Variants in TTC29 observed in about 807,000 individuals in gnomAD.
The protein encoded by TTC29 is tetratricopeptide repeat domain 29.
Under a neutral mutation model 58.1 loss-of-function variants are expected in TTC29, and 49 were observed. The observed-to-expected ratio is 0.84, with a 90% CI of 0.67 to 1.07. The LOEUF is 1.07. Among genes scored for constraint, TTC29 ranks in the 50% least tolerant of loss-of-function variants. TTC29 has a pLI of 0.00. For missense variants in TTC29, 582 were observed against 555.6 expected (o/e 1.05, Z -0.48); for synonymous variants, 209 against 196.8 (o/e 1.06, Z -0.52).
intron 7 of TTC29, among the ~76,000 whole-genome samples, chr4:146,871,897 G>C (rs912420056): frequency 1.3e-5 from 2 of 151,928 alleles, no homozygotes; most frequent in Non-Finnish European, 2.9e-5. Context: ...AAATTAACAA[G>C]CTGATCCTAA....
At chr4:146,874,669 G>A (rs1267722631) in intron 7 of TTC29, 47 bp downstream of exon 7, 7 of 1,415,116 alleles carry the variant, frequency 4.9e-6, no homozygotes, top group African/African-American at 1.4e-5. Context: ...GAGAAACAGT[G>A]TCTACCCATT....
At chr4:146,905,817 G>C (rs1346597959) in intron 5 of TTC29, among the ~76,000 whole-genome samples, 1 of 152,136 alleles carries the variant, frequency 6.6e-6, no homozygotes. Flanking sequence ...GCTCTGATTA[G>C]TCCTGCAATA....
Position 146,874,707 on chromosome 4 carries a change from T to C in TTC29, c.799+9A>G, listed in dbSNP as rs1356844757. ...AGAAAGCAATGTGAGAGAGTTCTTT[T>C]CCACCCACCTTCTTTGGCTATTTCA... On this transcript the variant is annotated intron_variant, in intron 7 of 12. Transcript: ENST00000325106. The C allele has an allele frequency of 1.3e-6, 2 of 1,589,946 alleles. No individual in the cohort carries two copies. Among genetic ancestry groups the C allele is most frequent in the Non-Finnish European group, 1.7e-6 (2 of 1,166,972 alleles).
intron 10 of TTC29, among the ~76,000 whole-genome samples, chr4:146,819,658 C>G (rs1199273211): frequency 6.6e-6 from 1 of 152,152 alleles, no homozygotes; most frequent in African/African-American, 2.4e-5. Flanking sequence ...AAAATCCACT[C>G]TAAATTTTCT....
At chr4:146,763,773 T>C (rs1424038796) in intron 11 of TTC29, 1 of 152,110 alleles carries the variant, frequency 6.6e-6, no homozygotes, top group Non-Finnish European at 1.5e-5. Flanking sequence ...GTTCTGAAAG[T>C]GGAAGTCATA....
At chr4:146,855,394 C>G (rs569314248) in intron 8 of TTC29, among the ~76,000 whole-genome samples, 187 of 146,496 alleles carry the variant, frequency 1.3e-3, no homozygotes, top group African/African-American at 4.6e-3. Context: ...GATTTCGCCA[C>G]TGCACTCCAG....
At chr4:146,800,303 G>C (rs763596153) in intron 11 of TTC29, among the ~76,000 whole-genome samples, 1 of 152,150 alleles carries the variant, frequency 6.6e-6, no homozygotes, top group Non-Finnish European at 1.5e-5. Context: ...CCCTTAGGGG[G>C]TCATGTTCCT....
At chr4:146,848,002 AT>A (rs1011070622) in intron 8 of TTC29, among the ~76,000 whole-genome samples, 6 of 152,104 alleles carry the variant, frequency 3.9e-5, no homozygotes, top group African/African-American at 9.6e-5. Context: ...TCCCCTATGC[AT>A]TTTTTTTAAA....
chr4:146,711,965 A>G (rs2149991916), intron 11 of TTC29, among the ~76,000 whole-genome samples: 1 of 152,196 alleles, frequency 6.6e-6, no homozygotes, highest in African/African-American at 2.4e-5. Flanking sequence ...ATATGAACTG[A>G]AAACTTGTCA....
intron 7 of TTC29, among the ~76,000 whole-genome samples, chr4:146,869,409 A>G (rs1401143933): frequency 1.3e-5 from 2 of 152,136 alleles, no homozygotes; most frequent in Admixed American, 6.6e-5. Flanking sequence ...TCAAGATCTC[A>G]CTTTAGCAGA....
chr4:146,778,976 C>CAAAAAAAAAAAAAAAAAAAAAAAA lies in TTC29; in HGVS notation c.1330+24457_1330+24480dup, dbSNP rs369374851. 6.0e-4 allele frequency among the ~76,000 whole-genome samples: 17 copies of CAAAAAAAAAAAAAAAAAAAAAAAA among 28,540 alleles called. 1 individual carries two copies. Among genetic ancestry groups the CAAAAAAAAAAAAAAAAAAAAAAAA allele is most frequent in the African/African-American group, 1.2e-3 (6 of 4,862 alleles). 18.7% of individuals were successfully genotyped at this position (28,540 alleles called of 152,430 possible). A position where few individuals can be genotyped will look rare whatever the true frequency, so the allele number is the denominator to read the frequency against. On this transcript the variant is annotated intron_variant, in intron 11 of 12. Coordinates refer to ENST00000325106, the MANE Select transcript of TTC29 (RefSeq NM_031956.4). Reference sequence around the variant, plus strand: ...AACTGCACTTGTACTCCTAAATAAGCAAAAAAAAAAAAAAAAAAAAAAAAA... The same window carrying CAAAAAAAAAAAAAAAAAAAAAAAA: ...AACTGCACTTGTACTCCTAAATAAGCAAAAAAAAAAAAAAAAAAAAAAAAAAAAAAAAAAAAAAAAAAAAAAAAA...
At chr4:146,768,528 A>G (rs2150071233) in intron 11 of TTC29, among the ~76,000 whole-genome samples, 1 of 152,182 alleles carries the variant, frequency 6.6e-6, no homozygotes, top group South Asian at 2.1e-4. Context: ...AAGACAGTCT[A>G]AAAGCAAAAT....
chr4:146,850,174 A>G (rs1432286932), intron 8 of TTC29, among the ~76,000 whole-genome samples: 1 of 152,230 alleles, frequency 6.6e-6, no homozygotes, highest in Non-Finnish European at 1.5e-5. Context: ...TATGTGCTCC[A>G]AAACTATGTT....
intron 9 of TTC29, among the ~76,000 whole-genome samples, chr4:146,825,662 A>G (rs935143224): frequency 6.6e-6 from 1 of 151,988 alleles, no homozygotes; most frequent in African/African-American, 2.4e-5. Context: ...ATTCTTGTTA[A>G]TTTTCTGTCT....
At chr4:146,753,746 C>G in intron 11 of TTC29, among the ~76,000 whole-genome samples, 1 of 152,086 alleles carries the variant, frequency 6.6e-6, no homozygotes, top group South Asian at 2.1e-4. Context: ...GAGTTCATGT[C>G]CTTTGTAGGG....
intron 11 of TTC29, among the ~76,000 whole-genome samples, chr4:146,761,421 A>T (rs1746890955): frequency 6.6e-6 from 1 of 151,924 alleles, no homozygotes; most frequent in Non-Finnish European, 1.5e-5. Flanking sequence ...TTGTGTCACA[A>T]ATTATGCATG....
intron 4 of TTC29, among the ~76,000 whole-genome samples, chr4:146,937,269 C>T (rs1196379224): frequency 1.3e-5 from 2 of 151,880 alleles, no homozygotes; most frequent in Non-Finnish European, 2.9e-5. Flanking sequence ...AAATCTGTTT[C>T]TTAAAGCTTT....
At chr4:146,754,746 G>A (rs1579599332) in intron 11 of TTC29, among the ~76,000 whole-genome samples, 1 of 151,946 alleles carries the variant, frequency 6.6e-6, no homozygotes, top group Non-Finnish European at 1.5e-5. Flanking sequence ...ACTGTCAACT[G>A]TTTGTGTATA....
intron 6 of TTC29, among the ~76,000 whole-genome samples, chr4:146,889,111 T>C (rs1253470763): frequency 6.6e-6 from 1 of 152,164 alleles, no homozygotes; most frequent in African/African-American, 2.4e-5. Context: ...ATTTGCAGGT[T>C]TCTAATTTAT....
Sources: allele counts gnomAD v4.1 joint callset (sites outside exome capture counted in the v4.1 genomes callset), GRCh38; gene constraint gnomAD v4.1.1; transcripts MANE v1.5; gene names NCBI Gene and HGNC (gene_info 2026-07-23, HGNC 2026-07-21).